Variants in FGGY observed in about 807,000 individuals in gnomAD.
The protein encoded by FGGY is FGGY carbohydrate kinase domain-containing protein.
FGGY carries 72 observed loss-of-function variants against 71.3 expected under a neutral mutation model. That is an observed-to-expected ratio of 1.01 (90% CI 0.84 to 1.23). FGGY has a LOEUF of 1.23. Ranked by LOEUF, FGGY falls within the 50% of genes most tolerant of loss-of-function variation. The probability of loss-of-function intolerance (pLI) is 0.00; values close to 1 mark genes in which losing one functional copy is unlikely to be tolerated. For missense variants in FGGY, 668 were observed against 682.3 expected (o/e 0.98, Z 0.23); for synonymous variants, 251 against 250.3 (o/e 1.00, Z -0.02).
chr1:59,609,588 A>G (rs2096655316), intron 9 of FGGY, among the ~76,000 whole-genome samples: 1 of 152,244 alleles, frequency 6.6e-6, no homozygotes, highest in Non-Finnish European at 1.5e-5. Context: ...GCTCAGTTAC[A>G]CACACTCACA....
At chr1:59,470,486 C>T (rs1437197783) in intron 6 of FGGY, among the ~76,000 whole-genome samples, 1 of 152,194 alleles carries the variant, frequency 6.6e-6, no homozygotes, top group Non-Finnish European at 1.5e-5. Context: ...TTAACACGGC[C>T]TCATGGATAC....
At chr1:59,473,729 A>G (rs572140056) in intron 6 of FGGY, among the ~76,000 whole-genome samples, 1 of 152,348 alleles carries the variant, frequency 6.6e-6, no homozygotes, top group Non-Finnish European at 1.5e-5. Flanking sequence ...TAGAGACTCA[A>G]CATGGCAGGA....
intron 8 of FGGY, among the ~76,000 whole-genome samples, chr1:59,586,549 C>T (rs2096291568): frequency 6.6e-6 from 1 of 151,992 alleles, no homozygotes. Context: ...GGAGATATAC[C>T]TAATGTTAAA....
At chr1:59,330,942 A>G (rs2048353342) in intron 2 of FGGY, among the ~76,000 whole-genome samples, 1 of 152,144 alleles carries the variant, frequency 6.6e-6, no homozygotes, top group Non-Finnish European at 1.5e-5. Context: ...CAGGAGGCAG[A>G]CATCCTGATG....
At chr1:59,545,727 C>T (rs2095510390) in intron 7 of FGGY, among the ~76,000 whole-genome samples, 1 of 152,210 alleles carries the variant, frequency 6.6e-6, no homozygotes, top group East Asian at 1.9e-4. Flanking sequence ...CCTCGCAATA[C>T]AACCAGCCTC....
chr1:59,699,160 C>CG lies in FGGY; in HGVS notation c.1512+25028dup, dbSNP rs1482500400. On this transcript the variant is annotated intron_variant, in intron 14 of 15. Coordinates refer to ENST00000303721, the MANE Select transcript of FGGY (RefSeq NM_018291.5). ...AAATTATACCACAAACTTTTAGTATCGTGAGCTTCAGCTGAGTCCCTCAGT... is the reference window on the plus strand; with the variant it reads ...AAATTATACCACAAACTTTTAGTATCGGTGAGCTTCAGCTGAGTCCCTCAGT... 9.1e-6 allele frequency: 9 copies of CG among 985,132 alleles called. No individual in the cohort carries two copies. In the African/African-American group the frequency reaches 1.6e-4, roughly 17 times the overall value. The allele number at this position is 985,132 out of a possible 1,614,324, so 61.0% of individuals were successfully genotyped here.
intron 4 of FGGY, among the ~76,000 whole-genome samples, chr1:59,368,303 T>C (rs1266713650): frequency 6.6e-6 from 1 of 152,236 alleles, no homozygotes; most frequent in Non-Finnish European, 1.5e-5. Flanking sequence ...TGTTTGTCTT[T>C]TCTTCTGTAA....
intron 14 of FGGY, among the ~76,000 whole-genome samples, chr1:59,744,035 G>A (rs2098172703): frequency 6.6e-6 from 1 of 152,176 alleles, no homozygotes; most frequent in Non-Finnish European, 1.5e-5. Flanking sequence ...GTAGCGCTGG[G>A]GTGGAGATTG....
At chr1:59,570,504 G>A (rs930741280) in intron 8 of FGGY, among the ~76,000 whole-genome samples, 6 of 152,260 alleles carry the variant, frequency 3.9e-5, no homozygotes, top group Non-Finnish European at 7.4e-5. Flanking sequence ...AAGACATACT[G>A]AGAAGTCATG....
At chr1:59,560,143 T>A (rs368628100) in intron 8 of FGGY, among the ~76,000 whole-genome samples, 2 of 152,218 alleles carry the variant, frequency 1.3e-5, no homozygotes, top group African/African-American at 4.8e-5. Flanking sequence ...CTTGATATGA[T>A]GTAATGAAAA....
intron 14 of FGGY, among the ~76,000 whole-genome samples, chr1:59,731,274 G>A (rs529019102): frequency 6.6e-6 from 1 of 152,328 alleles, no homozygotes; most frequent in East Asian, 1.9e-4. Flanking sequence ...AGGCGGGAAA[G>A]AAAAATAAAT....
intron 5 of FGGY, among the ~76,000 whole-genome samples, chr1:59,423,858 T>A (rs61789981): frequency 0.16 from 24,188 of 152,234 alleles, 2,463 homozygotes; most frequent in East Asian, 0.36. Context: ...CATTCTTTGA[T>A]TCCTACTCCT....
intron 7 of FGGY, among the ~76,000 whole-genome samples, chr1:59,527,427 G>T (rs933577857): frequency 7.2e-5 from 11 of 152,192 alleles, no homozygotes; most frequent in Non-Finnish European, 1.5e-4. Flanking sequence ...TGCCAGGCCT[G>T]AGGGTGGGCA....
intron 8 of FGGY, 82 bp from the exon 9 acceptor site, chr1:59,607,721 G>A (rs867268703): frequency 1.5e-5 from 16 of 1,051,036 alleles, no homozygotes; most frequent in Admixed American, 4.4e-5. Flanking sequence ...TGAATTCCAT[G>A]GTCATAGAAA....
chr1:59,395,549 A>G (rs1424850149), intron 5 of FGGY, among the ~76,000 whole-genome samples: 1 of 152,304 alleles, frequency 6.6e-6, no homozygotes, highest in Admixed American at 6.5e-5. Flanking sequence ...TCACAGCTCT[A>G]TCCCCAAGTC....
chr1:59,713,432 C>T (rs754799509), intron 14 of FGGY, among the ~76,000 whole-genome samples: 4 of 152,090 alleles, frequency 2.6e-5, no homozygotes, highest in South Asian at 2.1e-4. Context: ...GTGACACACT[C>T]GTGCAGCTGG....
intron 6 of FGGY, among the ~76,000 whole-genome samples, chr1:59,479,142 G>A (rs2093378244): frequency 6.6e-6 from 1 of 152,148 alleles, no homozygotes; most frequent in Non-Finnish European, 1.5e-5. Context: ...TAAAAATGAG[G>A]CATAAAGAAG....
chr1:59,718,808 G>T (rs374974859), intron 14 of FGGY, among the ~76,000 whole-genome samples: 2 of 152,176 alleles, frequency 1.3e-5, no homozygotes, highest in Non-Finnish European at 2.9e-5. Flanking sequence ...GCCAAGCGTG[G>T]TATTGCTTGC....
In FGGY at chr1:59,626,010, A is replaced by G. The variant is rs763171964; in HGVS notation, c.1034A>G (p.His345Arg). 1.9e-6 allele frequency: 3 copies of G among 1,613,528 alleles called. No individual in the cohort carries two copies. Among genetic ancestry groups the G allele is most frequent in the African/African-American group, 2.7e-5 (2 of 74,934 alleles). Residue 345 changes from histidine (H) to arginine (R), a missense_variant, in exon 10 of 16, where the codon CAT becomes CGT. His to Arg is a conservative substitution (Grantham distance 29, BLOSUM62 0). This residue lies in a region of FGGY where 661 missense variants were observed against 661.6 expected (regional missense o/e 1.00). Coordinates refer to ENST00000303721, the MANE Select transcript of FGGY (RefSeq NM_018291.5). ...GKLIDHMVQGHAAFPELQVKA... is the reference protein window; with the variant it reads ...GKLIDHMVQGRAAFPELQVKA... The stretch of plus-strand genomic sequence containing the variant: ...CAGATAGACCACATGGTACAAGGCC[A>G]TGCTGCTTTTCCAGAACTACAAGTA...
Sources: allele counts gnomAD v4.1 joint callset (sites outside exome capture counted in the v4.1 genomes callset), GRCh38; gene constraint gnomAD v4.1.1; regional missense constraint gnomAD v4.1.1; transcripts MANE v1.5; gene names NCBI Gene and HGNC (gene_info 2026-07-23, HGNC 2026-07-21).